The following ASAP1 variants were observed in gnomAD, a reference collection of about 807,000 sequenced individuals.
The protein encoded by ASAP1 is ArfGAP with SH3 domain, ankyrin repeat and PH domain 1.
ASAP1 carries 43 observed loss-of-function variants against 145.2 expected under a neutral mutation model. That is an observed-to-expected ratio of 0.30 (90% CI 0.23 to 0.38). The LOEUF (loss-of-function observed/expected upper bound fraction) is 0.38, where lower values mean the gene tolerates loss of function less well. ASAP1 is among the 10% of genes least tolerant of loss of function. ASAP1 has a pLI of 1.00. For synonymous variants in ASAP1, 546 were observed against 515.5 expected (o/e 1.06, Z -0.80); for missense variants, 1,018 against 1,355.3 (o/e 0.75, Z 3.91).
intron 1 of ASAP1, among the ~76,000 whole-genome samples, chr8:130,440,439 A>T (rs1427186693): frequency 1.3e-5 from 2 of 151,776 alleles, no homozygotes; most frequent in African/African-American, 4.8e-5. Flanking sequence ...CCCAGGAGGC[A>T]GAGGTTGCAG....
chr8:130,361,372 T>G (rs986550405), intron 2 of ASAP1, among the ~76,000 whole-genome samples: 1 of 152,168 alleles, frequency 6.6e-6, no homozygotes, highest in Non-Finnish European at 1.5e-5. Context: ...GGAGCCGACT[T>G]GTGTATACAG....
intron 5 of ASAP1, among the ~76,000 whole-genome samples, chr8:130,206,351 C>T (rs1041613867): frequency 3.3e-5 from 5 of 151,746 alleles, no homozygotes; most frequent in Non-Finnish European, 7.4e-5. Context: ...TACTTTTTAA[C>T]ATTTCAAAGA....
At chr8:130,300,193 G>C (rs1029255096) in intron 3 of ASAP1, among the ~76,000 whole-genome samples, 33 of 149,474 alleles carry the variant, frequency 2.2e-4, no homozygotes, top group African/African-American at 7.9e-4. Flanking sequence ...GAGAGCGAGC[G>C]AGCGAGCAGT....
intron 3 of ASAP1, among the ~76,000 whole-genome samples, chr8:130,352,371 C>G (rs1237741538): frequency 6.6e-6 from 1 of 152,064 alleles, no homozygotes; most frequent in Non-Finnish European, 1.5e-5. Flanking sequence ...GGGGAGCTGA[C>G]GAACAAGATC....
intron 10 of ASAP1, among the ~76,000 whole-genome samples, chr8:130,168,295 A>G (rs773073550): frequency 6.6e-6 from 1 of 152,168 alleles, no homozygotes; most frequent in Admixed American, 6.6e-5. Context: ...AGACCTAGAC[A>G]CTAAAAAAAG....
intron 4 of ASAP1, among the ~76,000 whole-genome samples, chr8:130,224,780 CAATA>C (rs971343391): frequency 6.6e-6 from 1 of 152,176 alleles, no homozygotes; most frequent in African/African-American, 2.4e-5. Context: ...CACAATGCTA[CAATA>C]AATACTCTTA....
intron 1 of ASAP1, among the ~76,000 whole-genome samples, chr8:130,436,859 C>T (rs1196838835): frequency 6.6e-6 from 1 of 151,986 alleles, no homozygotes; most frequent in Non-Finnish European, 1.5e-5. Flanking sequence ...GTGATCCCAG[C>T]ACTCTGGGAG....
chr8:130,336,463 G>T (rs968837516), intron 3 of ASAP1, among the ~76,000 whole-genome samples: 3 of 152,172 alleles, frequency 2.0e-5, no homozygotes, highest in African/African-American at 7.2e-5. Context: ...ATTGAAGTTT[G>T]AGAAACACAT....
chr8:130,353,079 G>C (rs1409624093), intron 3 of ASAP1, among the ~76,000 whole-genome samples: 3 of 152,192 alleles, frequency 2.0e-5, no homozygotes, highest in Non-Finnish European at 4.4e-5. Context: ...GATTTCACTT[G>C]TATTCCTAGG....
chr8:130,437,114 A>AG (rs1830340505), intron 1 of ASAP1, among the ~76,000 whole-genome samples: 1 of 152,068 alleles, frequency 6.6e-6, no homozygotes, highest in African/African-American at 2.4e-5. Context: ...CAAAAAAAAA[A>AG]AAAAAAAAAT....
intron 3 of ASAP1, among the ~76,000 whole-genome samples, chr8:130,248,133 T>G (rs1342978542): frequency 2.0e-5 from 3 of 152,100 alleles, no homozygotes; most frequent in African/African-American, 7.2e-5. Context: ...AGAGGAATAG[T>G]TTATCTACCT....
intron 1 of ASAP1, among the ~76,000 whole-genome samples, chr8:130,442,675 A>C (rs1344935920): frequency 2.0e-5 from 3 of 152,120 alleles, no homozygotes; most frequent in Admixed American, 2.0e-4. Context: ...CAAGTTAACG[A>C]TGATGGTCTG....
chr8:130,173,016 T>C (rs548709174), intron 9 of ASAP1, among the ~76,000 whole-genome samples: 3 of 152,196 alleles, frequency 2.0e-5, no homozygotes, highest in African/African-American at 4.8e-5. Context: ...AGTGAGGAGA[T>C]TACAGGGTTT....
At chr8:130,064,272 G>A (rs1487062800) in intron 27 of ASAP1, among the ~76,000 whole-genome samples, 5 of 152,144 alleles carry the variant, frequency 3.3e-5, no homozygotes, top group Non-Finnish European at 7.3e-5. Flanking sequence ...TGACAACGGT[G>A]GAGATGATGA....
chr8:130,141,019 T>C (rs559031195), intron 13 of ASAP1, among the ~76,000 whole-genome samples: 166 of 152,326 alleles, frequency 1.1e-3, no homozygotes, highest in African/African-American at 3.8e-3. Context: ...TACTAATTTA[T>C]AGGTATATTG....
At chr8:130,425,507 ACT>A (rs1280971095) in intron 1 of ASAP1, among the ~76,000 whole-genome samples, 13 of 152,112 alleles carry the variant, frequency 8.5e-5, no homozygotes, top group Admixed American at 8.5e-4. Context: ...ACAGAGCAAG[ACT>A]CTGTCTCAAA....
intron 3 of ASAP1, among the ~76,000 whole-genome samples, chr8:130,262,416 A>AAAAAAAAAAG (rs1819974520): frequency 3.5e-5 from 2 of 57,850 alleles, no homozygotes; most frequent in African/African-American, 1.4e-4. Context: ...AAAAAAAAAA[A>AAAAAAAAAAG]AGAGAGAGAG....
At chr8:130,243,386 C>A (rs1013889516) in intron 3 of ASAP1, among the ~76,000 whole-genome samples, 1 of 152,104 alleles carries the variant, frequency 6.6e-6, no homozygotes, top group Admixed American at 6.5e-5. Flanking sequence ...TATTTCTTCA[C>A]ATAGAAGATG....
intron 3 of ASAP1, among the ~76,000 whole-genome samples, chr8:130,264,686 T>C (rs1820136123): frequency 6.6e-6 from 1 of 152,184 alleles, no homozygotes; most frequent in African/African-American, 2.4e-5. Context: ...ATAAATAATG[T>C]GTTTGCTCCT....
Sources: allele counts gnomAD v4.1 joint callset (sites outside exome capture counted in the v4.1 genomes callset), GRCh38; gene constraint gnomAD v4.1.1; transcripts MANE v1.5; gene names NCBI Gene and HGNC (gene_info 2026-07-23, HGNC 2026-07-21).